The following SYNE2 variants were observed in gnomAD, a reference collection of about 807,000 sequenced individuals.
The protein encoded by SYNE2 is nesprin-2.
In SYNE2, 431 loss-of-function variants were observed where a neutral mutation model predicts 856.3. The ratio of observed to expected loss-of-function variants is 0.50; its 90% CI spans 0.47 to 0.55. The LOEUF is 0.55. Among genes scored for constraint, SYNE2 ranks in the 20% least tolerant of loss-of-function variants. SYNE2 has a pLI of 0.00. For synonymous variants in SYNE2, 2,923 were observed against 2,872.3 expected (o/e 1.02, Z -0.56); for missense variants, 8,129 against 8,023.2 (o/e 1.01, Z -0.50).
rs113477410 is a variant in SYNE2 at position 63,859,743 on chromosome 14, G to A, written c.-52+6600G>A. 1.3e-3 allele frequency among the ~76,000 whole-genome samples: 197 copies of A among 152,288 alleles called. 2 individuals are homozygous for A. Among genetic ancestry groups the A allele is most frequent in the African/African-American group, 4.5e-3 (186 of 41,562 alleles). On this transcript the variant is annotated intron_variant, in intron 1 of 115. Transcript: ENST00000555002. ...AGGCAGGAGAATTGCTTGAACTCAG[G>A]GGGTGGAGGTTACAGTGAGCTGAGA...
intron 90 of SYNE2, among the ~76,000 whole-genome samples, chr14:64,165,929 T>C (rs1187727530): frequency 6.6e-6 from 1 of 152,134 alleles, no homozygotes; most frequent in East Asian, 1.9e-4. Context: ...TCAGAGTAAT[T>C]TGTAGTAGAT....
chr14:63,866,934 C>T (rs1895495347), intron 1 of SYNE2, among the ~76,000 whole-genome samples: 1 of 152,118 alleles, frequency 6.6e-6, no homozygotes, highest in South Asian at 2.1e-4. Flanking sequence ...TCAGCCTTGG[C>T]AATAGAGCGA....
At chr14:64,212,327 C>T (rs1567660367) in intron 104 of SYNE2, among the ~76,000 whole-genome samples, 1 of 152,178 alleles carries the variant, frequency 6.6e-6, no homozygotes, top group African/African-American at 2.4e-5. Context: ...GGTCCGCTCT[C>T]CCATTGTTTC....
intron 6 of SYNE2, among the ~76,000 whole-genome samples, chr14:63,944,808 C>T (rs1397381047): frequency 2.3e-5 from 3 of 130,152 alleles, no homozygotes; most frequent in Admixed American, 8.2e-5. Flanking sequence ...CGTGAGCCAC[C>T]GTGCTGGGCT....
At chr14:64,201,397 A>AC in intron 99 of SYNE2, among the ~76,000 whole-genome samples, 1 of 152,296 alleles carries the variant, frequency 6.6e-6, no homozygotes, top group Admixed American at 6.5e-5. Flanking sequence ...CTTCCTGCCC[A>AC]CCAGGCCCTG....
chr14:64,045,636 C>T (rs1201555789), intron 45 of SYNE2, among the ~76,000 whole-genome samples: 3 of 151,708 alleles, frequency 2.0e-5, no homozygotes, highest in East Asian at 3.9e-4. Flanking sequence ...TGTAGATTTT[C>T]GCCACAGTGT....
At chr14:63,919,149 A>T (rs989261894) in intron 2 of SYNE2, among the ~76,000 whole-genome samples, 1 of 152,190 alleles carries the variant, frequency 6.6e-6, no homozygotes, top group African/African-American at 2.4e-5. Flanking sequence ...TGTATCAGGC[A>T]CTATTTTGGG....
At chr14:63,888,646 T>C (rs2095054378) in intron 1 of SYNE2, among the ~76,000 whole-genome samples, 1 of 152,176 alleles carries the variant, frequency 6.6e-6, no homozygotes, top group Admixed American at 6.5e-5. Flanking sequence ...ACATACAAAC[T>C]GCACATTCAT....
intron 96 of SYNE2, among the ~76,000 whole-genome samples, chr14:64,177,833 CAA>C (rs1310541675): frequency 1.3e-5 from 2 of 152,158 alleles, no homozygotes; most frequent in East Asian, 3.8e-4. Flanking sequence ...TTCTTTGAAA[CAA>C]GAGTAAAATA....
intron 11 of SYNE2, among the ~76,000 whole-genome samples, chr14:63,969,685 C>T (rs1247161501): frequency 1.3e-5 from 2 of 151,898 alleles, no homozygotes; most frequent in Non-Finnish European, 2.9e-5. Flanking sequence ...TGTATATGTA[C>T]CACGTTTTCT....
Position 64,056,097 on chromosome 14 carries a change from CAA to C in SYNE2, c.9899_9900del (p.Gln3300ArgfsTer15), listed in dbSNP as rs2097266613. On this transcript the variant is annotated frameshift_variant, in exon 49 of 116. Coordinates refer to ENST00000555002, the MANE Select transcript of SYNE2 (RefSeq NM_182914.3). LOFTEE classifies it high-confidence loss of function. ...ATCTTTAGAGATGCCTCTTCGAAAA[CAA>C]GAGGAATTGGAATCCACAGTAGCAC... ...EESLEMPLRK[Q>X]EELESTVAHI... The C allele has an allele frequency of 6.2e-7, 1 of 1,614,008 alleles. No individual in the cohort carries two copies. The highest frequency in any genetic ancestry group is 1.7e-5 in the Admixed American group (1 of 60,002).
intron 99 of SYNE2, among the ~76,000 whole-genome samples, chr14:64,192,305 G>C (rs1160668330): frequency 6.6e-6 from 1 of 152,072 alleles, no homozygotes; most frequent in Non-Finnish European, 1.5e-5. Context: ...CGGGCCCTTG[G>C]CACTAGTCGA....
At chr14:63,871,107 A>C (rs1039812974) in intron 1 of SYNE2, among the ~76,000 whole-genome samples, 7 of 152,182 alleles carry the variant, frequency 4.6e-5, no homozygotes, top group Non-Finnish European at 1.0e-4. Context: ...TCCATTTATC[A>C]ATGCGGTTGC....
intron 1 of SYNE2, among the ~76,000 whole-genome samples, chr14:63,866,109 A>G (rs971028338): frequency 6.6e-6 from 1 of 152,158 alleles, no homozygotes; most frequent in African/African-American, 2.4e-5. Flanking sequence ...AATACATATA[A>G]TATGTTCTCA....
rs773742506 is a variant in SYNE2 at position 63,954,741 on chromosome 14, G to T, written c.613G>T (p.Asp205Tyr). Residue 205 changes from aspartate to tyrosine, a missense_variant, in exon 8 of 116, where the codon GAT becomes TAT. Physicochemically the swap from Asp to Tyr is radical, Grantham distance 160. This residue lies in a region of SYNE2 where 2,422 missense variants were observed against 2,357.4 expected (regional missense o/e 1.03). Coordinates refer to ENST00000555002, the MANE Select transcript of SYNE2 (RefSeq NM_182914.3). ...CATYESVNVT[D>Y]FKSSWRNGMA... ...TAGCTATGAGTCTGTCAATGTGACC[G>T]ATTTTAAGTCAAGTTGGAGAAATGG... 1 of 1,613,808 alleles carries T rather than the reference G, an allele frequency of 6.2e-7. No homozygotes were observed. The highest frequency in any genetic ancestry group is 8.5e-7 in the Non-Finnish European group (1 of 1,179,972).
chr14:64,148,975 T>C (rs2098214118), intron 84 of SYNE2, among the ~76,000 whole-genome samples: 2 of 147,964 alleles, frequency 1.4e-5, no homozygotes, highest in African/African-American at 2.6e-5. Flanking sequence ...TGTTAATTTC[T>C]CTTTTTTTTT....
At chr14:64,124,355 C>A (rs2097920729) in intron 70 of SYNE2, among the ~76,000 whole-genome samples, 1 of 150,952 alleles carries the variant, frequency 6.6e-6, no homozygotes, top group Non-Finnish European at 1.5e-5. Context: ...CCATGACCAG[C>A]TACTTTAAAA....
chr14:64,105,205 A>G (rs2097763290), intron 64 of SYNE2, among the ~76,000 whole-genome samples: 1 of 152,186 alleles, frequency 6.6e-6, no homozygotes, highest in Non-Finnish European at 1.5e-5. Context: ...GTTTTTCCTA[A>G]TACATCTTAT....
chr14:63,974,725 C>CAT (rs1017325126), intron 11 of SYNE2, among the ~76,000 whole-genome samples: 4 of 147,912 alleles, frequency 2.7e-5, no homozygotes, highest in African/African-American at 1.0e-4. Flanking sequence ...TGCCAGCATA[C>CAT]ATATATATAC....
Sources: allele counts gnomAD v4.1 joint callset (sites outside exome capture counted in the v4.1 genomes callset), GRCh38; gene constraint gnomAD v4.1.1; regional missense constraint gnomAD v4.1.1; transcripts MANE v1.5; gene names NCBI Gene and HGNC (gene_info 2026-07-23, HGNC 2026-07-21).